TLN2: variants seen among roughly 807,000 people sequenced by gnomAD.
The protein encoded by TLN2 is talin-2.
Under a neutral mutation model 294.7 loss-of-function variants are expected in TLN2, and 118 were observed. The ratio of observed to expected loss-of-function variants is 0.40; its 90% CI spans 0.34 to 0.47. The LOEUF is 0.47. Ranked by LOEUF, TLN2 falls within the 20% of genes least tolerant of loss-of-function variation. TLN2 has a pLI of 0.84. For missense variants in TLN2, 3,083 were observed against 3,282.2 expected (o/e 0.94, Z 1.48); for synonymous variants, 1,431 against 1,304.5 (o/e 1.10, Z -2.09).
chr15:62,446,045 C>T (rs984654300), intron 1 of TLN2, among the ~76,000 whole-genome samples: 6 of 151,180 alleles, frequency 4.0e-5, no homozygotes, highest in Non-Finnish European at 5.9e-5. Flanking sequence ...GTCTCACTGT[C>T]GCCCGGGCTG....
chr15:62,737,757 A>G (rs1159228403), intron 29 of TLN2, among the ~76,000 whole-genome samples: 1 of 152,240 alleles, frequency 6.6e-6, no homozygotes, highest in African/African-American at 2.4e-5. Context: ...CCCATGAGTC[A>G]CTGAGCAGAA....
At chr15:62,809,898 G>T in intron 51 of TLN2, 27 bp from the exon 52 acceptor site, 1 of 1,608,272 alleles carries the variant, frequency 6.2e-7, no homozygotes, top group African/African-American at 1.3e-5. Flanking sequence ...CCCATGTTAA[G>T]ATTTCAGCAT....
chr15:62,620,592 C>A (rs1379832467), intron 3 of TLN2, among the ~76,000 whole-genome samples: 1 of 151,720 alleles, frequency 6.6e-6, no homozygotes, highest in Non-Finnish European at 1.5e-5. Context: ...AATCCTCCTA[C>A]CTCAGCCTCC....
chr15:62,799,825 A>G (rs1479920508), intron 48 of TLN2, among the ~76,000 whole-genome samples: 1 of 152,238 alleles, frequency 6.6e-6, no homozygotes, highest in Non-Finnish European at 1.5e-5. Context: ...TTAAGGCCCA[A>G]GTGATGGAAA....
At chr15:62,738,438 C>A in intron 30 of TLN2, 105 bp downstream of exon 30, 1 of 1,333,276 alleles carries the variant, frequency 7.5e-7, no homozygotes, top group Non-Finnish European at 9.8e-7. Flanking sequence ...CTAACCCTTC[C>A]TTTAGGAGTC....
At position 62,657,823 on chromosome 15, in the gene TLN2, G is replaced by T; in HGVS notation, c.713G>T (p.Cys238Phe). Residue 238 changes from cysteine to phenylalanine, a missense_variant, in exon 9 of 59, where the codon TGT becomes TTT. Cys to Phe is a radical substitution (Grantham distance 205). Coordinates refer to ENST00000636159, the MANE Select transcript of TLN2 (RefSeq NM_015059.3). ...CACCCTGTCTCCTTCGAGAAAGCTT[G>T]TGAGTTTGGTGGATTTCAAGCCCAG... The part of the protein sequence containing the change: ...GSHPVSFEKA[C>F]EFGGFQAQIQ... 1 of 1,613,918 alleles carries T rather than the reference G, an allele frequency of 6.2e-7. No homozygotes were observed. Among genetic ancestry groups the T allele is most frequent in the Non-Finnish European group, 8.5e-7 (1 of 1,179,952 alleles).
At chr15:62,675,075 T>A in intron 10 of TLN2, 142 bp from the exon 11 acceptor site, 1 of 723,956 alleles carries the variant, frequency 1.4e-6, no homozygotes, top group Non-Finnish European at 2.3e-6. Flanking sequence ...GTTGCCTGTG[T>A]CATGGAGGGG....
intron 2 of TLN2, among the ~76,000 whole-genome samples, chr15:62,601,700 C>T (rs1391561334): frequency 6.6e-6 from 1 of 152,136 alleles, no homozygotes; most frequent in East Asian, 1.9e-4. Flanking sequence ...TAAAGAGGAA[C>T]TTCATAACTT....
intron 1 of TLN2, among the ~76,000 whole-genome samples, chr15:62,576,762 A>C (rs779166495): frequency 4.6e-5 from 6 of 130,236 alleles, no homozygotes; most frequent in Non-Finnish European, 7.7e-5. Flanking sequence ...TCTATTTTTG[A>C]CAAAGAGCAA....
At chr15:62,703,627 GCACACA>G (rs71131124) in intron 19 of TLN2, among the ~76,000 whole-genome samples, 2 of 116,728 alleles carry the variant, frequency 1.7e-5, no homozygotes, top group South Asian at 5.5e-4. Flanking sequence ...ACACACGCGC[GCACACA>G]CACACACACA....
At chr15:62,720,102 A>G (rs755770210) in intron 25 of TLN2, among the ~76,000 whole-genome samples, 7 of 152,258 alleles carry the variant, frequency 4.6e-5, no homozygotes, top group African/African-American at 1.4e-4. Context: ...GAGATGGCAT[A>G]TGTTCCGTTT....
At chr15:62,425,147 T>TTC (rs1391785732) in intron 1 of TLN2, among the ~76,000 whole-genome samples, 33 of 150,620 alleles carry the variant, frequency 2.2e-4, no homozygotes, top group Middle Eastern at 3.8e-3. Context: ...GAGGCGGGGT[T>TTC]ATGCTGTGTT....
chr15:62,760,716 C>G (rs77756386), intron 37 of TLN2, among the ~76,000 whole-genome samples: 2,939 of 152,270 alleles, frequency 0.019, 45 homozygotes, highest in African/African-American at 0.033. Flanking sequence ...GGCCACATTC[C>G]TGGATCCTTA....
At chr15:62,769,830 A>G (rs1275852486) in intron 41 of TLN2, among the ~76,000 whole-genome samples, 2 of 152,242 alleles carry the variant, frequency 1.3e-5, no homozygotes, top group Admixed American at 6.5e-5. Context: ...TTTAGCCATT[A>G]GTCATTACCG....
chr15:62,719,129 A>G (rs1004768086), intron 24 of TLN2, among the ~76,000 whole-genome samples: 1 of 152,208 alleles, frequency 6.6e-6, no homozygotes, highest in Non-Finnish European at 1.5e-5. Flanking sequence ...AAACAGGGAC[A>G]GAACACAGAG....
chr15:62,515,679 C>G (rs565166836), intron 1 of TLN2, among the ~76,000 whole-genome samples: 11 of 152,196 alleles, frequency 7.2e-5, no homozygotes, highest in Admixed American at 6.5e-4. Flanking sequence ...TTAATTTGAT[C>G]TTCATTTTAA....
chr15:62,404,499 C>T (rs902551348), intron 1 of TLN2, among the ~76,000 whole-genome samples: 4 of 152,054 alleles, frequency 2.6e-5, no homozygotes, highest in African/African-American at 9.7e-5. Context: ...TTCAGTGGGC[C>T]CTCTCTGCGC....
At chr15:62,809,673 G>A (rs2066542682) in intron 51 of TLN2, among the ~76,000 whole-genome samples, 1 of 152,194 alleles carries the variant, frequency 6.6e-6, no homozygotes, top group Non-Finnish European at 1.5e-5. Context: ...GAGGAACAAA[G>A]GTCCAGATTG....
At chr15:62,734,621 G>A (rs1472963147) in intron 28 of TLN2, among the ~76,000 whole-genome samples, 2 of 152,114 alleles carry the variant, frequency 1.3e-5, no homozygotes, top group Non-Finnish European at 2.9e-5. Context: ...TTTCTCTTCT[G>A]GGCTTCTCCT....
Sources: allele counts gnomAD v4.1 joint callset (sites outside exome capture counted in the v4.1 genomes callset), GRCh38; gene constraint gnomAD v4.1.1; transcripts MANE v1.5; gene names NCBI Gene and HGNC (gene_info 2026-07-23, HGNC 2026-07-21).